CNBD1: variants seen among roughly 807,000 people sequenced by gnomAD.
CNBD1 encodes cyclic nucleotide-binding domain-containing protein 1.
Under a neutral mutation model 54.4 loss-of-function variants are expected in CNBD1, and 71 were observed. That is an observed-to-expected ratio of 1.30 (90% CI 1.08 to 1.59). CNBD1 has a LOEUF of 1.59. CNBD1 is among the 40% of genes most tolerant of loss of function. The pLI is 0.00. For synonymous variants in CNBD1, 182 were observed against 170.7 expected (o/e 1.07, Z -0.51); for missense variants, 659 against 518.0 (o/e 1.27, Z -2.64).
At chr8:86,996,824 A>G (rs1808884707) in intron 4 of CNBD1, among the ~76,000 whole-genome samples, 1 of 152,210 alleles carries the variant, frequency 6.6e-6, no homozygotes, top group Non-Finnish European at 1.5e-5. Flanking sequence ...TGTATTTATT[A>G]CTACAGTTCT....
At chr8:87,074,291 C>T (rs1321261128) in intron 4 of CNBD1, among the ~76,000 whole-genome samples, 4 of 152,106 alleles carry the variant, frequency 2.6e-5, no homozygotes, top group Non-Finnish European at 5.9e-5. Context: ...GGTCCCATCT[C>T]AGGCAGACTC....
intron 4 of CNBD1, among the ~76,000 whole-genome samples, chr8:87,108,127 T>C (rs1413075061): frequency 6.6e-6 from 1 of 152,172 alleles, no homozygotes; most frequent in Non-Finnish European, 1.5e-5. Flanking sequence ...CTGACAGCTG[T>C]ATATCAAGAG....
intron 4 of CNBD1, among the ~76,000 whole-genome samples, chr8:87,180,044 G>C (rs932767230): frequency 6.6e-6 from 1 of 151,914 alleles, no homozygotes; most frequent in Non-Finnish European, 1.5e-5. Flanking sequence ...AATAGAAAAC[G>C]GTATAAAAGA....
At chr8:87,088,860 ATCTC>A (rs933467453) in intron 4 of CNBD1, among the ~76,000 whole-genome samples, 2 of 152,154 alleles carry the variant, frequency 1.3e-5, no homozygotes, top group Non-Finnish European at 2.9e-5. Context: ...CTGAAAGAGA[ATCTC>A]TATCTTTAAA....
chr8:87,354,162 G>A (rs1415261637), intron 10 of CNBD1, among the ~76,000 whole-genome samples: 1 of 152,080 alleles, frequency 6.6e-6, no homozygotes, highest in Non-Finnish European at 1.5e-5. Context: ...CAACTTGCTG[G>A]ACCTCACAGC....
chr8:87,356,806 A>T (rs1190890763), intron 10 of CNBD1, among the ~76,000 whole-genome samples: 1 of 152,172 alleles, frequency 6.6e-6, no homozygotes, highest in African/African-American at 2.4e-5. Flanking sequence ...AATATTCAAG[A>T]TAATGGGAGA....
chr8:87,020,128 A>G (rs1017669890), intron 4 of CNBD1, among the ~76,000 whole-genome samples: 2 of 152,090 alleles, frequency 1.3e-5, no homozygotes, highest in African/African-American at 4.8e-5. Context: ...ATTAACATTA[A>G]ACATTTTCTT....
chr8:87,232,879 AAC>A (rs1453602714), intron 5 of CNBD1, among the ~76,000 whole-genome samples: 5 of 152,274 alleles, frequency 3.3e-5, no homozygotes, highest in Admixed American at 6.5e-5. Flanking sequence ...TTTTAAATTA[AAC>A]ACAGTTTTTC....
intron 4 of CNBD1, among the ~76,000 whole-genome samples, chr8:87,162,037 T>A (rs1812868580): frequency 6.6e-6 from 1 of 152,100 alleles, no homozygotes; most frequent in African/African-American, 2.4e-5. Flanking sequence ...GTGGGAGAAT[T>A]ACTCTGAACA....
intron 4 of CNBD1, among the ~76,000 whole-genome samples, chr8:87,038,369 C>T (rs559938871): frequency 6.6e-6 from 1 of 152,238 alleles, no homozygotes; most frequent in African/African-American, 2.4e-5. Flanking sequence ...TTACACAAAT[C>T]AATTTTTCCA....
At chr8:87,237,150 G>A (rs1233988418) in intron 6 of CNBD1, 38 bp downstream of exon 6, 1 of 1,342,444 alleles carries the variant, frequency 7.4e-7, no homozygotes, top group South Asian at 1.4e-5. Flanking sequence ...CAAGCAACAA[G>A]GTAACGGGCT....
chr8:87,377,844 T>C (rs1240969014), intron 10 of CNBD1, among the ~76,000 whole-genome samples: 1 of 150,788 alleles, frequency 6.6e-6, no homozygotes, highest in Non-Finnish European at 1.5e-5. Flanking sequence ...TGATTGCCAT[T>C]CTAACTGGTG....
At chr8:87,422,972 C>T (rs1244626985) in intron 2 of CNBD1, among the ~76,000 whole-genome samples, 1 of 151,814 alleles carries the variant, frequency 6.6e-6, no homozygotes, top group Non-Finnish European at 1.5e-5. Flanking sequence ...TGTAGTTCTC[C>T]TTGAAGAGGT....
Position 87,206,062 on chromosome 8 carries a change from C to T in CNBD1, c.501C>T (p.Thr167=). 6.2e-7 allele frequency: 1 copy of T among 1,605,346 alleles called. No individual in the cohort carries two copies. Among genetic ancestry groups the T allele is most frequent in the Non-Finnish European group, 8.5e-7 (1 of 1,175,764 alleles). ...WKFLKTIPDL[T]FQLNDKHLKT... Reference sequence around the variant, plus strand: ...TCCTGAAAACAATTCCAGATTTAACCTTTCAGCTAAATGATAAGCATCTGA... The same window carrying T: ...TCCTGAAAACAATTCCAGATTTAACTTTTCAGCTAAATGATAAGCATCTGA... The change falls in exon 5 of 11, where the codon ACC becomes ACT. Residue 167 remains threonine (T), a synonymous_variant. Transcript: ENST00000518476.
intron 4 of CNBD1, among the ~76,000 whole-genome samples, chr8:87,132,808 C>CATAT (rs202216215): frequency 6.9e-6 from 1 of 145,388 alleles, no homozygotes; most frequent in African/African-American, 2.6e-5. Context: ...TATATATATA[C>CATAT]ATATATATAT....
chr8:87,216,880 G>A (rs1231890522), intron 5 of CNBD1, among the ~76,000 whole-genome samples: 1 of 152,138 alleles, frequency 6.6e-6, no homozygotes, highest in Non-Finnish European at 1.5e-5. Flanking sequence ...TACAGGTTTT[G>A]ATGGGTAATC....
At chr8:87,333,147 G>T (rs960560619) in intron 8 of CNBD1, among the ~76,000 whole-genome samples, 4 of 152,104 alleles carry the variant, frequency 2.6e-5, no homozygotes, top group Non-Finnish European at 5.9e-5. Context: ...GTGAATGGGA[G>T]TTCATTCATG....
chr8:87,331,249 T>C (rs982896166), intron 8 of CNBD1, among the ~76,000 whole-genome samples: 2 of 152,134 alleles, frequency 1.3e-5, no homozygotes, highest in African/African-American at 4.8e-5. Context: ...TGTGTGTTGT[T>C]CCCCGATGTG....
intron 8 of CNBD1, among the ~76,000 whole-genome samples, chr8:87,296,222 G>A (rs1189469972): frequency 6.6e-6 from 1 of 152,132 alleles, no homozygotes; most frequent in Non-Finnish European, 1.5e-5. Flanking sequence ...CTACCCATAG[G>A]AGTGCATTAG....
Sources: allele counts gnomAD v4.1 joint callset (sites outside exome capture counted in the v4.1 genomes callset), GRCh38; gene constraint gnomAD v4.1.1; transcripts MANE v1.5; gene names NCBI Gene and HGNC (gene_info 2026-07-23, HGNC 2026-07-21).